The following ZNF804B variants were observed in gnomAD, a reference collection of about 807,000 sequenced individuals.
The protein encoded by ZNF804B is zinc finger protein 804B, also known as zinc finger 804B.
A neutral mutation model predicts 101.4 loss-of-function variants in ZNF804B; 80 were observed. That is an observed-to-expected ratio of 0.79 (90% CI 0.66 to 0.95). The LOEUF is 0.95. Ranked by LOEUF, ZNF804B falls within the 40% of genes least tolerant of loss-of-function variation. The pLI, the probability that ZNF804B is intolerant of heterozygous loss-of-function variation, is 0.00. For synonymous variants in ZNF804B, 622 were observed against 558.8 expected, an observed-to-expected ratio of 1.11 and a Z score of -1.59; for missense variants, 1,673 against 1,561.9, an observed-to-expected ratio of 1.07 and a Z score of -1.20.
intron 1 of ZNF804B, among the ~76,000 whole-genome samples, chr7:88,851,973 G>T (rs1252770878): frequency 2.6e-5 from 4 of 152,086 alleles, no homozygotes; most frequent in Admixed American, 2.6e-4. Context: ...AACATCTCTT[G>T]TTTTCCATTG....
chr7:88,945,623 G>A (rs1793117457), intron 1 of ZNF804B, among the ~76,000 whole-genome samples: 1 of 152,048 alleles, frequency 6.6e-6, no homozygotes, highest in Non-Finnish European at 1.5e-5. Flanking sequence ...CTAATTCTGT[G>A]AAGAAAGTCA....
chr7:89,206,218 T>C (rs1788711903), intron 1 of ZNF804B, among the ~76,000 whole-genome samples: 1 of 152,220 alleles, frequency 6.6e-6, no homozygotes, highest in African/African-American at 2.4e-5. Flanking sequence ...GGGCCTGTGA[T>C]GAGAGGGGCT....
chr7:88,767,571 G>A (rs1790003652), intron 1 of ZNF804B, among the ~76,000 whole-genome samples: 1 of 152,204 alleles, frequency 6.6e-6, no homozygotes, highest in Non-Finnish European at 1.5e-5. Context: ...AAATGACAGG[G>A]AGGATAGAGG....
chr7:89,192,456 T>TA (rs564681976), intron 1 of ZNF804B, among the ~76,000 whole-genome samples: 22 of 146,860 alleles, frequency 1.5e-4, no homozygotes, highest in African/African-American at 2.7e-4. Context: ...TGGATTAAAC[T>TA]AAAAAAAAAA....
chr7:89,079,608 G>A (rs1207307584), intron 1 of ZNF804B, among the ~76,000 whole-genome samples: 1 of 151,982 alleles, frequency 6.6e-6, no homozygotes, highest in African/African-American at 2.4e-5. Flanking sequence ...GGGGCAGACA[G>A]GCATTAAAAA....
intron 1 of ZNF804B, chr7:88,794,929 A>G (rs1461813039): frequency 6.3e-7 from 1 of 1,587,846 alleles, no homozygotes; most frequent in Non-Finnish European, 8.5e-7. Context: ...CTGGTTATGG[A>G]CCGAAAAGGA....
At chr7:89,332,345 T>C (rs957056030) in intron 3 of ZNF804B, among the ~76,000 whole-genome samples, 5 of 151,940 alleles carry the variant, frequency 3.3e-5, no homozygotes, top group African/African-American at 1.2e-4. Context: ...ATGGAAGAGA[T>C]ACCAGTTGGC....
At chr7:89,104,917 G>A (rs188676208) in intron 1 of ZNF804B, among the ~76,000 whole-genome samples, 500 of 152,130 alleles carry the variant, frequency 3.3e-3, no homozygotes, top group African/African-American at 0.011. Flanking sequence ...CTGAGTCAAC[G>A]CAAACATGTT....
At chr7:89,118,608 C>T (rs185349881) in intron 1 of ZNF804B, among the ~76,000 whole-genome samples, 125 of 152,186 alleles carry the variant, frequency 8.2e-4, no homozygotes, top group African/African-American at 3.0e-3. Context: ...GAAGTGCCCC[C>T]GGCTCTCATA....
chr7:88,809,995 C>T (rs1419137783), intron 1 of ZNF804B, among the ~76,000 whole-genome samples: 1 of 152,176 alleles, frequency 6.6e-6, no homozygotes, highest in East Asian at 1.9e-4. Flanking sequence ...AGGTAATATA[C>T]ATTTCTTATA....
In ZNF804B at chr7:88,855,775, T is replaced by G. The variant is rs182141441; in HGVS notation, c.108+95691T>G. Among the ~76,000 whole-genome samples, 885 of 152,288 alleles carry G rather than the reference T, an allele frequency of 5.8e-3. 7 individuals are homozygous for G. Among genetic ancestry groups the G allele is most frequent in the African/African-American group, 0.02 (842 of 41,540 alleles). On this transcript the variant is annotated intron_variant, in intron 1 of 3. Transcript: ENST00000333190. Reference sequence around the variant, plus strand: ...AGTCTTTAATCCATCTTGAATTAATTTTTGTATAAGGTGCAAGGAAGGGAT... The same window carrying G: ...AGTCTTTAATCCATCTTGAATTAATGTTTGTATAAGGTGCAAGGAAGGGAT...
At chr7:89,325,957 C>T (rs556871066) in intron 2 of ZNF804B, among the ~76,000 whole-genome samples, 2 of 151,830 alleles carry the variant, frequency 1.3e-5, no homozygotes, top group Non-Finnish European at 2.9e-5. Context: ...ACATAGGGTC[C>T]GAGGAAGTGA....
At chr7:88,897,887 A>C (rs1306395372) in intron 1 of ZNF804B, among the ~76,000 whole-genome samples, 2 of 150,916 alleles carry the variant, frequency 1.3e-5, no homozygotes. Context: ...TTTTTGCGTC[A>C]GATTCATGAT....
chr7:88,870,102 T>C (rs1791795721), intron 1 of ZNF804B, among the ~76,000 whole-genome samples: 1 of 152,100 alleles, frequency 6.6e-6, no homozygotes, highest in Admixed American at 6.5e-5. Flanking sequence ...AGGTGGGTGA[T>C]TGGGCCGGGC....
At chr7:89,009,555 C>A (rs745847318) in intron 1 of ZNF804B, among the ~76,000 whole-genome samples, 3 of 152,040 alleles carry the variant, frequency 2.0e-5, no homozygotes, top group South Asian at 2.1e-4. Context: ...GAAATCTTAA[C>A]CCCCAGAGTG....
chr7:89,204,072 A>G (rs1459615241), intron 1 of ZNF804B, among the ~76,000 whole-genome samples: 3 of 152,196 alleles, frequency 2.0e-5, no homozygotes, highest in African/African-American at 4.8e-5. Flanking sequence ...GACTCTCACA[A>G]ATTTTAAATT....
intron 2 of ZNF804B, among the ~76,000 whole-genome samples, chr7:89,237,219 A>G (rs977766296): frequency 2.6e-5 from 4 of 152,228 alleles, no homozygotes; most frequent in Non-Finnish European, 5.9e-5. Flanking sequence ...TAATTTTCAA[A>G]ATATGTGTAT....
At chr7:89,151,897 A>G (rs1442787920) in intron 1 of ZNF804B, among the ~76,000 whole-genome samples, 1 of 152,088 alleles carries the variant, frequency 6.6e-6, no homozygotes, top group Non-Finnish European at 1.5e-5. Flanking sequence ...TAAGATACCT[A>G]AGTGGGTTTG....
chr7:89,033,757 TA>T (rs1284548453), intron 1 of ZNF804B, among the ~76,000 whole-genome samples: 3 of 151,092 alleles, frequency 2.0e-5, no homozygotes, highest in African/African-American at 7.4e-5. Flanking sequence ...AATATTGTTC[TA>T]AAAACTAATT....
Sources: gnomAD v4.1 joint callset for allele counts (sites outside exome capture counted in the v4.1 genomes callset) on GRCh38, gnomAD v4.1.1 for gene constraint, MANE v1.5 for transcripts, NCBI Gene and HGNC (gene_info 2026-07-23, HGNC 2026-07-21) for gene names.